The following NETO1 variants were observed in gnomAD, a reference collection of about 807,000 sequenced individuals.
NETO1 encodes neuropilin and tolloid like 1.
Under a neutral mutation model 61.3 loss-of-function variants are expected in NETO1, and 26 were observed. That is an observed-to-expected ratio of 0.42 (90% CI 0.31 to 0.59). The LOEUF is 0.59. Among genes scored for constraint, NETO1 ranks in the 20% least tolerant of loss-of-function variants. NETO1 has a pLI of 0.12. For missense variants in NETO1, 531 were observed against 662.8 expected (o/e 0.80, Z 2.18); for synonymous variants, 225 against 225.8 (o/e 1.00, Z 0.03).
At position 72,864,684 on chromosome 18, in the gene NETO1, A is replaced by G. The variant is rs530214894; in HGVS notation, c.220+124T>C. On this transcript the variant is annotated intron_variant, in intron 3 of 10. Transcript: ENST00000327305. ...TTACAGTTATTGATTCACTCAAGAG[A>G]TATTTTTGCGCATGATCTCCAGATC... The G allele has an allele frequency of 6.0e-5, 74 of 1,230,728 alleles. No homozygotes were observed. The South Asian group carries it at 9.2e-4, about 15-fold the overall frequency. The allele number at this position is 1,230,728 out of a possible 1,614,324, so 76.2% of individuals were successfully genotyped here.
At chr18:72,865,112 A>G (rs2074694790) in intron 2 of NETO1, 76 bp downstream of exon 2, 1 of 1,471,220 alleles carries the variant, frequency 6.8e-7, no homozygotes, top group Non-Finnish European at 9.4e-7. Flanking sequence ...ATTCTGGAAT[A>G]TTAACAGTAG....
intron 8 of NETO1, among the ~76,000 whole-genome samples, chr18:72,754,203 T>G (rs1192445636): frequency 6.6e-6 from 1 of 152,018 alleles, no homozygotes; most frequent in Admixed American, 6.6e-5. Context: ...TTAAAAACTC[T>G]AAAATAATTA....
chr18:72,804,149 T>A (rs939218380), intron 4 of NETO1, among the ~76,000 whole-genome samples: 1 of 152,164 alleles, frequency 6.6e-6, no homozygotes, highest in Admixed American at 6.5e-5. Context: ...ATATACTCAG[T>A]TTAAATGGCT....
At chr18:72,750,723 G>T in intron 8 of NETO1, 103 bp from the exon 9 acceptor site, 2 of 729,546 alleles carry the variant, frequency 2.7e-6, no homozygotes, top group Non-Finnish European at 2.1e-6. Flanking sequence ...TTAAAGTAAA[G>T]CAGGCTGAGC....
intron 3 of NETO1, among the ~76,000 whole-genome samples, chr18:72,861,485 T>C (rs1039477604): frequency 6.6e-6 from 1 of 152,226 alleles, no homozygotes; most frequent in Non-Finnish European, 1.5e-5. Context: ...CCTTTTAACA[T>C]TTCTGTAAGT....
chr18:72,760,285 A>G (rs1236903473), intron 7 of NETO1, among the ~76,000 whole-genome samples: 4 of 152,242 alleles, frequency 2.6e-5, no homozygotes, highest in African/African-American at 4.8e-5. Flanking sequence ...CAACACTTCA[A>G]AATGAACCTT....
chr18:72,851,266 C>G (rs1025211439), intron 4 of NETO1, among the ~76,000 whole-genome samples: 1 of 152,046 alleles, frequency 6.6e-6, no homozygotes, highest in African/African-American at 2.4e-5. Flanking sequence ...ACAAAATTAG[C>G]CTGGCGTGGT....
chr18:72,783,181 T>C (rs1242375384), intron 7 of NETO1, among the ~76,000 whole-genome samples: 2 of 152,234 alleles, frequency 1.3e-5, no homozygotes, highest in African/African-American at 4.8e-5. Context: ...TTAAACATTT[T>C]CTGAAACTTT....
At chr18:72,867,163 C>T in intron 1 of NETO1, 101 bp downstream of exon 1, 2 of 888,758 alleles carry the variant, frequency 2.3e-6, no homozygotes, top group East Asian at 3.2e-5. Context: ...GCAGGGTCCG[C>T]CGGAGCGCGG....
chr18:72,861,205 A>T (rs1488769374), intron 3 of NETO1, among the ~76,000 whole-genome samples: 1 of 152,224 alleles, frequency 6.6e-6, no homozygotes, highest in Non-Finnish European at 1.5e-5. Context: ...ACATTCCGCC[A>T]TTATGGCTTT....
chr18:72,844,855 T>C (rs2074038056), intron 4 of NETO1, among the ~76,000 whole-genome samples: 1 of 152,238 alleles, frequency 6.6e-6, no homozygotes, highest in Non-Finnish European at 1.5e-5. Context: ...AAGGGTGTGA[T>C]GGAGCTGTGG....
At chr18:72,805,381 G>C (rs1038474420) in intron 4 of NETO1, among the ~76,000 whole-genome samples, 1 of 152,084 alleles carries the variant, frequency 6.6e-6, no homozygotes, top group Non-Finnish European at 1.5e-5. Flanking sequence ...ATATATCTAC[G>C]TGACTAAAAG....
intron 7 of NETO1, among the ~76,000 whole-genome samples, chr18:72,777,719 G>C (rs973777905): frequency 6.6e-6 from 1 of 152,172 alleles, no homozygotes; most frequent in Non-Finnish European, 1.5e-5. Flanking sequence ...CTCCAGCCTG[G>C]GGGACAGAAC....
At chr18:72,755,994 G>T in intron 8 of NETO1, 40 bp downstream of exon 8, 2 of 1,089,728 alleles carry the variant, frequency 1.8e-6, no homozygotes, top group South Asian at 1.3e-5. Context: ...CCACTCCACA[G>T]GGAGGAAATT....
chr18:72,760,720 G>A (rs534081121), intron 7 of NETO1, among the ~76,000 whole-genome samples: 5 of 152,198 alleles, frequency 3.3e-5, no homozygotes, highest in East Asian at 3.9e-4. Flanking sequence ...ACAGAATGCC[G>A]TATAGTGTCA....
chr18:72,832,584 A>C (rs2073617468), intron 4 of NETO1, among the ~76,000 whole-genome samples: 1 of 152,202 alleles, frequency 6.6e-6, no homozygotes, highest in African/African-American at 2.4e-5. Flanking sequence ...TTGAGCTTCT[A>C]GGTAACATCT....
At chr18:72,842,199 A>C (rs1054406398) in intron 4 of NETO1, among the ~76,000 whole-genome samples, 13 of 152,192 alleles carry the variant, frequency 8.5e-5, no homozygotes, top group Non-Finnish European at 2.9e-5. Context: ...GAAGTCAATT[A>C]TTACCTCAGT....
chr18:72,791,893 T>A (rs2072131371), intron 6 of NETO1, among the ~76,000 whole-genome samples: 1 of 152,200 alleles, frequency 6.6e-6, no homozygotes, highest in Admixed American at 6.5e-5. Context: ...TGGTTTCATG[T>A]GAGCAACAGC....
chr18:72,853,817 T>G (rs1426071625), intron 4 of NETO1, among the ~76,000 whole-genome samples: 2 of 152,044 alleles, frequency 1.3e-5, no homozygotes, highest in Admixed American at 6.6e-5. Context: ...ATTTTTCATA[T>G]TTTTGTGCAA....
Sources: allele counts gnomAD v4.1 joint callset (sites outside exome capture counted in the v4.1 genomes callset), GRCh38; gene constraint gnomAD v4.1.1; transcripts MANE v1.5; gene names NCBI Gene and HGNC (gene_info 2026-07-23, HGNC 2026-07-21).